The following GLYATL2 variants were observed in gnomAD, a reference collection of about 807,000 sequenced individuals.
GLYATL2 encodes the protein glycine-N-acyltransferase like 2.
GLYATL2 carries 25 observed loss-of-function variants against 21.4 expected under a neutral mutation model. The ratio of observed to expected loss-of-function variants is 1.17; its 90% CI spans 0.85 to 1.63. The LOEUF (loss-of-function observed/expected upper bound fraction) is 1.63, where lower values mean the gene tolerates loss of function less well. Among genes scored for constraint, GLYATL2 ranks in the 40% most tolerant of loss-of-function variants. GLYATL2 has a pLI of 0.00. For missense variants in GLYATL2, 361 were observed against 343.3 expected, an observed-to-expected ratio of 1.05 and a Z score of -0.41; for synonymous variants, 114 against 118.2, an observed-to-expected ratio of 0.96 and a Z score of 0.23.
chr11:58,874,610 T>C (rs1854191510), intron 1 of GLYATL2, among the ~76,000 whole-genome samples: 1 of 152,244 alleles, frequency 6.6e-6, no homozygotes, highest in Non-Finnish European at 1.5e-5. Context: ...TGAGTGAGTT[T>C]CTTAATCCTG....
At chr11:58,855,062 C>G (rs1466159096) in intron 1 of GLYATL2, among the ~76,000 whole-genome samples, 1 of 152,170 alleles carries the variant, frequency 6.6e-6, no homozygotes, top group Non-Finnish European at 1.5e-5. Flanking sequence ...ATTGGAATCA[C>G]CTTCTTCCAA....
At chr11:58,857,235 T>C (rs1325644416) in intron 1 of GLYATL2, among the ~76,000 whole-genome samples, 3 of 152,182 alleles carry the variant, frequency 2.0e-5, no homozygotes, top group Non-Finnish European at 4.4e-5. Flanking sequence ...GGTGATACTG[T>C]GACTTTAATT....
chr11:58,880,090 C>T (rs1319894817), intron 1 of GLYATL2, among the ~76,000 whole-genome samples: 1 of 152,132 alleles, frequency 6.6e-6, no homozygotes, highest in Non-Finnish European at 1.5e-5. Context: ...GATCTCCTGA[C>T]CTCGTGATCC....
chr11:58,867,341 C>T (rs1854040268), intron 1 of GLYATL2, among the ~76,000 whole-genome samples: 1 of 149,118 alleles, frequency 6.7e-6, no homozygotes, highest in Non-Finnish European at 1.5e-5. Flanking sequence ...AGGGTGGACT[C>T]TTGGCAGCGT....
At chr11:58,840,772 G>A (rs1172932392) in intron 1 of GLYATL2, 2 of 151,510 alleles carry the variant, frequency 1.3e-5, no homozygotes, top group African/African-American at 4.9e-5. Context: ...CAAGGAAGAG[G>A]AGGTTGCAGT....
At chr11:58,891,177 C>T (rs983703923) in intron 1 of GLYATL2, among the ~76,000 whole-genome samples, 14 of 152,080 alleles carry the variant, frequency 9.2e-5, no homozygotes, top group Admixed American at 9.2e-4. Flanking sequence ...ATTAGTTACA[C>T]CATTTTTTCT....
In GLYATL2 at chr11:58,834,357, G is replaced by T; in HGVS notation, c.*72C>A. Reference sequence around the variant, plus strand: ...ATCAGTTGCATTTTGTGCTAATGTAGATCACAATGCTTGTGTTTGAATTAA... The same window carrying T: ...ATCAGTTGCATTTTGTGCTAATGTATATCACAATGCTTGTGTTTGAATTAA... On this transcript the variant is annotated 3_prime_UTR_variant, in exon 6 of 6. Coordinates refer to ENST00000287275, the MANE Select transcript of GLYATL2 (RefSeq NM_145016.4). 2 of 1,274,200 alleles carry T rather than the reference G, an allele frequency of 1.6e-6. No homozygotes were observed. Among genetic ancestry groups the T allele is most frequent in the South Asian group, 1.5e-5 (1 of 68,278 alleles). The allele number at this position is 1,274,200 out of a possible 1,614,324, so 78.9% of individuals were successfully genotyped here.
At chr11:58,895,033 G>A (rs1365691673) in intron 1 of GLYATL2, among the ~76,000 whole-genome samples, 5 of 152,266 alleles carry the variant, frequency 3.3e-5, no homozygotes, top group East Asian at 1.9e-4. Context: ...CCTCGGGCAG[G>A]TCCTGTATCC....
At chr11:58,879,661 T>A (rs372549885) in intron 1 of GLYATL2, among the ~76,000 whole-genome samples, 1 of 152,190 alleles carries the variant, frequency 6.6e-6, no homozygotes, top group African/African-American at 2.4e-5. Context: ...AAATAAAAGT[T>A]ACCAGTGGCT....
intron 1 of GLYATL2, among the ~76,000 whole-genome samples, chr11:58,875,754 G>A (rs1432597190): frequency 1.3e-5 from 2 of 152,144 alleles, no homozygotes; most frequent in African/African-American, 2.4e-5. Flanking sequence ...TGGTGAATCT[G>A]AGAATTATGT....
At chr11:58,852,522 G>A (rs1444791521) in intron 1 of GLYATL2, among the ~76,000 whole-genome samples, 2 of 152,136 alleles carry the variant, frequency 1.3e-5, no homozygotes, top group Non-Finnish European at 2.9e-5. Flanking sequence ...ACAACTCTAT[G>A]AGGTAATCAT....
chr11:58,906,874 G>T (rs1218955000), upstream of GLYATL2, among the ~76,000 whole-genome samples: 1 of 152,144 alleles, frequency 6.6e-6, no homozygotes, highest in African/African-American at 2.4e-5. Flanking sequence ...CATTTGAGGC[G>T]GGGGTTGTGG....
chr11:58,900,339 G>C (rs1565111796), intron 1 of GLYATL2, among the ~76,000 whole-genome samples: 1 of 152,196 alleles, frequency 6.6e-6, no homozygotes, highest in African/African-American at 2.4e-5. Flanking sequence ...CAACTTAGTT[G>C]AGGTTTCCTA....
At chr11:58,839,414 C>G (rs1853503391) in intron 2 of GLYATL2, 121 bp downstream of exon 2, 1 of 554,954 alleles carries the variant, frequency 1.8e-6, no homozygotes, top group African/African-American at 1.9e-5. Context: ...TTAAAGTAAT[C>G]TTTGCACAGA....
In GLYATL2 at chr11:58,869,673, A is replaced by T. The variant is rs74799957; in HGVS notation, n.61-31305T>A. Among the ~76,000 whole-genome samples, 195 of 152,356 alleles carry T rather than the reference A, an allele frequency of 1.3e-3. 3 individuals carry two copies. In the East Asian group the frequency reaches 0.033, roughly 26 times the overall value. On this transcript the variant is annotated intron_variant and non_coding_transcript_variant, in intron 1 of 4. Transcript: ENST00000533636. ...TGACTACCAAATTGGCTTAAAAATAAAAGAGCACTCAGAGATTAAGTAAAT... is the reference window on the plus strand; with the variant it reads ...TGACTACCAAATTGGCTTAAAAATATAAGAGCACTCAGAGATTAAGTAAAT...
At chr11:58,860,025 T>C (rs560975324) in intron 1 of GLYATL2, among the ~76,000 whole-genome samples, 140 of 152,326 alleles carry the variant, frequency 9.2e-4, no homozygotes, top group African/African-American at 3.3e-3. Flanking sequence ...TATTGCTTCA[T>C]AGTACATTTT....
upstream of GLYATL2, among the ~76,000 whole-genome samples, chr11:58,906,062 G>A (rs1429708972): frequency 6.6e-6 from 1 of 152,196 alleles, no homozygotes; most frequent in Admixed American, 6.5e-5. Flanking sequence ...TGCGAATCGG[G>A]AGCAGCGGGC....
intron 2 of GLYATL2, 116 bp from the exon 3 acceptor site, chr11:58,838,484 T>G: frequency 1.6e-6 from 1 of 628,148 alleles, no homozygotes; most frequent in Non-Finnish European, 2.8e-6. Flanking sequence ...TAGGAGGACT[T>G]AGGATGGGCC....
chr11:58,888,955 T>G (rs1176685052), intron 1 of GLYATL2, among the ~76,000 whole-genome samples: 1 of 151,934 alleles, frequency 6.6e-6, no homozygotes, highest in East Asian at 1.9e-4. Flanking sequence ...TGGAGGAGCT[T>G]TTTTAGACAA....
Sources: allele counts gnomAD v4.1 joint callset (sites outside exome capture counted in the v4.1 genomes callset), GRCh38; gene constraint gnomAD v4.1.1; transcripts MANE v1.5; gene names NCBI Gene and HGNC (gene_info 2026-07-23, HGNC 2026-07-21).